The following A4GNT variants were observed in gnomAD, a reference collection of about 807,000 sequenced individuals.
The protein encoded by A4GNT is alpha-1,4-N-acetylglucosaminyltransferase.
A neutral mutation model predicts 8.3 loss-of-function variants in A4GNT; 6 were observed. The observed-to-expected ratio is 0.72, with a 90% confidence interval of 0.39 to 1.42. The LOEUF is 1.42. Ranked by LOEUF, A4GNT falls within the 40% of genes most tolerant of loss-of-function variation. The probability of loss-of-function intolerance (pLI) is 0.02; values close to 1 mark genes in which losing one functional copy is unlikely to be tolerated. For synonymous variants in A4GNT, 157 were observed against 159.8 expected (o/e 0.98, Z 0.13); for missense variants, 377 against 417.0 (o/e 0.90, Z 0.84).
chr3:138,133,119 T>A (rs1408594121), upstream of A4GNT, among the ~76,000 whole-genome samples: 1 of 152,196 alleles, frequency 6.6e-6, no homozygotes, highest in Non-Finnish European at 1.5e-5. Context: ...GTATTCACAG[T>A]TCCCCCTGGA....
chr3:138,126,711 A>G (rs1262887533), intron 2 of A4GNT, among the ~76,000 whole-genome samples: 6 of 150,614 alleles, frequency 4.0e-5, no homozygotes, highest in South Asian at 4.2e-4. Context: ...CTGTAATCCC[A>G]GCTACTAGGG....
intron 2 of A4GNT, among the ~76,000 whole-genome samples, chr3:138,127,193 C>G (rs1387765480): frequency 6.8e-6 from 1 of 147,796 alleles, no homozygotes; most frequent in Non-Finnish European, 1.5e-5. Flanking sequence ...TAATAGCTAA[C>G]ATTTATCAAT....
intron 1 of A4GNT, among the ~76,000 whole-genome samples, chr3:138,131,842 T>C (rs1442332120): frequency 1.3e-5 from 2 of 152,162 alleles, no homozygotes; most frequent in Non-Finnish European, 2.9e-5. Context: ...AAACAATGTC[T>C]ACCAGAACAT....
chr3:138,125,592 T>G (rs941357190), intron 2 of A4GNT, among the ~76,000 whole-genome samples: 1 of 152,130 alleles, frequency 6.6e-6, no homozygotes, highest in African/African-American at 2.4e-5. Context: ...AGCGCTGTAT[T>G]ACGTTAGTTC....
At position 138,124,252 on chromosome 3, in the gene A4GNT, C is replaced by G; in HGVS notation, c.*12G>C. Reference sequence around the variant, plus strand: ...ATTTCCACACTGCAGCAGCAGCAAACGAGTGTTAGCTTTATTTGTTACCTG... The same window carrying G: ...ATTTCCACACTGCAGCAGCAGCAAAGGAGTGTTAGCTTTATTTGTTACCTG... On this transcript the variant is annotated 3_prime_UTR_variant, in exon 3 of 3. Coordinates refer to ENST00000236709, the MANE Select transcript of A4GNT (RefSeq NM_016161.3). 6.2e-7 allele frequency: 1 copy of G among 1,604,872 alleles called. No homozygotes were observed. The highest frequency in any genetic ancestry group is 1.7e-5 in the Admixed American group (1 of 59,284).
rs146152770 is a variant in A4GNT, at chr3:138,124,837, C to T, written c.450G>A (p.Ser150=). The T allele has an allele frequency of 2.1e-4, 344 of 1,613,372 alleles. No homozygotes were observed. The highest frequency in any genetic ancestry group is 2.5e-4 in the Non-Finnish European group (299 of 1,179,892). Residue 150 remains serine (S), a synonymous_variant, in exon 3 of 3, where the codon TCG becomes TCA. Coordinates refer to ENST00000236709, the MANE Select transcript of A4GNT (RefSeq NM_016161.3). ...SAERNWLHIS[S]DASRLAIIWK... ...AGATGATGGCCAGGCGGGATGCATC[C>T]GAGCTGATGTGGAGCCAGTTTCTCT...
upstream of A4GNT, chr3:138,132,493 G>GT (rs1388144537): frequency 1.3e-5 from 2 of 152,144 alleles, no homozygotes; most frequent in Non-Finnish European, 2.9e-5. Context: ...AACACAAAAA[G>GT]TTCCCAGGAA....
chr3:138,130,989 G>A lies in A4GNT; in HGVS notation c.268C>T (p.Leu90Phe), dbSNP rs943928311. 6.2e-7 allele frequency: 1 copy of A among 1,613,980 alleles called. No homozygotes were observed. Among genetic ancestry groups the A allele is most frequent in the African/African-American group, 1.3e-5 (1 of 74,876 alleles). ...GAGGGCATCGGTGTGGAATCAGTAA[G>A]ACCCTTCATAAAGAACACCACAGGC... ...EWPVVFFMKG[L>F]TDSTPMPSNS... Residue 90 changes from leucine (L) to phenylalanine (F), a missense_variant, in exon 2 of 3, where the codon CTT becomes TTT. Transcript: ENST00000236709.
upstream of A4GNT, among the ~76,000 whole-genome samples, chr3:138,132,594 G>A (rs1408903110): frequency 1.3e-5 from 2 of 152,172 alleles, no homozygotes; most frequent in Non-Finnish European, 2.9e-5. Flanking sequence ...CACTAATCCT[G>A]CCTGTTTGTG....
intron 2 of A4GNT, among the ~76,000 whole-genome samples, chr3:138,127,122 A>G (rs1204518210): frequency 6.7e-6 from 1 of 149,252 alleles, no homozygotes; most frequent in Admixed American, 6.6e-5. Flanking sequence ...CCATCTCAAA[A>G]AAAAAAAAAA....
intron 2 of A4GNT, among the ~76,000 whole-genome samples, chr3:138,125,664 CAGG>C (rs2042741194): frequency 6.6e-6 from 1 of 152,150 alleles, no homozygotes; most frequent in Admixed American, 6.5e-5. Context: ...AAGAGAGTTC[CAGG>C]AGGAGGGAAC....
At position 138,124,491 on chromosome 3, in the gene A4GNT, G is replaced by C; in HGVS notation, c.796C>G (p.Arg266Gly). Reference protein sequence around the residue: ...HPQRFYPISYREWRRYYEVWD... With the variant: ...HPQRFYPISYGEWRRYYEVWD... ...ACTTCATAGTAGCGCCTCCACTCTCGATAGGAGATGGGGTAAAATCTTTGG... is the reference window on the plus strand; with the variant it reads ...ACTTCATAGTAGCGCCTCCACTCTCCATAGGAGATGGGGTAAAATCTTTGG... Residue 266 changes from arginine (R) to glycine (G), a missense_variant, in exon 3 of 3, where the codon CGA (arginine) becomes GGA (glycine). Physicochemically the swap from Arg to Gly is moderately radical, Grantham distance 125. Transcript: ENST00000236709. 2 of 1,614,198 alleles carry C rather than the reference G, an allele frequency of 1.2e-6. No individual in the cohort carries two copies. Among genetic ancestry groups the C allele is most frequent in the Non-Finnish European group, 1.7e-6 (2 of 1,180,040 alleles).
chr3:138,125,960 T>C (rs2042742829), intron 2 of A4GNT, among the ~76,000 whole-genome samples: 1 of 152,172 alleles, frequency 6.6e-6, no homozygotes, highest in Non-Finnish European at 1.5e-5. Flanking sequence ...CCGGATCATG[T>C]AGGCTGGGGC....
rs763191886 is a variant in A4GNT, at chr3:138,124,640, T to C, written c.647A>G (p.Asn216Ser). 8 of 1,614,086 alleles carry C rather than the reference T, an allele frequency of 5.0e-6. No homozygotes were observed. In the South Asian group the frequency reaches 7.7e-5, roughly 16 times the overall value. ...GCCTTGGTTGCCCCAAATGGCTGAATTATAGTGTTCAACAAAGTTTTCCAT... is the reference window on the plus strand; with the variant it reads ...GCCTTGGTTGCCCCAAATGGCTGAACTATAGTGTTCAACAAAGTTTTCCAT... The part of the protein sequence containing the change: ...ECMENFVEHY[N>S]SAIWGNQGPE... The change falls in exon 3 of 3, where the codon AAT (asparagine) becomes AGT (serine). Residue 216 changes from asparagine (N) to serine (S), a missense_variant. By Grantham distance (46) the Asn-to-Ser change is conservative (BLOSUM62 1). Transcript: ENST00000236709.
At chr3:138,126,003 A>C (rs913682144) in intron 2 of A4GNT, among the ~76,000 whole-genome samples, 2 of 152,140 alleles carry the variant, frequency 1.3e-5, no homozygotes, top group African/African-American at 4.8e-5. Flanking sequence ...GTTTAGAAGA[A>C]AGGAGGGAAG....
intron 2 of A4GNT, among the ~76,000 whole-genome samples, chr3:138,127,341 C>T (rs959192907): frequency 1.3e-5 from 2 of 151,700 alleles, no homozygotes; most frequent in Admixed American, 6.6e-5. Context: ...TTTGGGAGAC[C>T]GAGGTGGGCG....
chr3:138,123,988 A>C lies in A4GNT; in HGVS notation c.*276T>G, dbSNP rs1003506775. The C allele has an allele frequency of 1.5e-5, 6 of 391,798 alleles. No individual in the cohort carries two copies. Among genetic ancestry groups the C allele is most frequent in the Non-Finnish European group, 1.9e-5 (4 of 215,958 alleles). The allele number at this position is 391,798 out of a possible 1,614,324, so 24.3% of individuals were successfully genotyped here. ...TACTTGCAGGAAGTCTTCACAAAAT[A>C]AAGCAAGTGCACCTTTCCTCTTTTC... On this transcript the variant is annotated 3_prime_UTR_variant, in exon 3 of 3. Transcript: ENST00000236709.
chr3:138,124,620 G>T lies in A4GNT; in HGVS notation c.667C>A (p.Gln223Lys), dbSNP rs781246221. 3.7e-6 allele frequency: 6 copies of T among 1,614,100 alleles called. No homozygotes were observed. The South Asian group carries it at 5.5e-5, about 15-fold the overall frequency. The change falls in exon 3 of 3, where the codon CAA (glutamine) becomes AAA (lysine). Residue 223 changes from glutamine to lysine, a missense_variant. Transcript: ENST00000236709. ...EHYNSAIWGN[Q>K]GPELMTRMLR... ...ATCCTTGTCATCAACTCAGGGCCTT[G>T]GTTGCCCCAAATGGCTGAATTATAG...
chr3:138,131,146 C>A lies in A4GNT; in HGVS notation c.111G>T (p.Lys37Asn). ...GGAGGGCTTCCAGCCCCTGGTGGGA[C>A]TTGAAAGAAGGCAAACAGAAGAGGC... ...SSCLFCLPSF[K>N]SHQGLEALLS... The change falls in exon 2 of 3, where the codon AAG becomes AAT. Residue 37 changes from lysine (K) to asparagine (N), a missense_variant. Transcript: ENST00000236709. The A allele has an allele frequency of 3.1e-6, 5 of 1,613,442 alleles. No homozygotes were observed. Among genetic ancestry groups the A allele is most frequent in the Non-Finnish European group, 4.2e-6 (5 of 1,179,596 alleles).
Sources: gnomAD v4.1 joint callset for allele counts (sites outside exome capture counted in the v4.1 genomes callset) on GRCh38, gnomAD v4.1.1 for gene constraint, MANE v1.5 for transcripts, NCBI Gene and HGNC (gene_info 2026-07-23, HGNC 2026-07-21) for gene names.